The following BMP6 variants were observed in gnomAD, a reference collection of about 807,000 sequenced individuals.
The protein encoded by BMP6 is bone morphogenetic protein 6.
In BMP6, 17 loss-of-function variants were observed where a neutral mutation model predicts 54.1. That is an observed-to-expected ratio of 0.31 (90% CI 0.22 to 0.47). The LOEUF is 0.47. Among genes scored for constraint, BMP6 ranks in the 20% least tolerant of loss-of-function variants. The pLI, the probability that BMP6 is intolerant of heterozygous loss-of-function variation, is 1.00. For missense variants in BMP6, 720 were observed against 690.4 expected (o/e 1.04, Z -0.48); for synonymous variants, 328 against 291.2 (o/e 1.13, Z -1.28).
chr6:7,859,077 C>T (rs1759294275), intron 2 of BMP6, among the ~76,000 whole-genome samples: 1 of 152,104 alleles, frequency 6.6e-6, no homozygotes. Context: ...GCAATTGCTT[C>T]ATGTCATGAT....
intron 2 of BMP6, among the ~76,000 whole-genome samples, chr6:7,849,480 C>T (rs989656430): frequency 1.3e-5 from 2 of 152,166 alleles, no homozygotes; most frequent in African/African-American, 4.8e-5. Context: ...ATAGACTGCT[C>T]TGAATGACTT....
chr6:7,729,722 A>T (rs1015786452), intron 1 of BMP6, among the ~76,000 whole-genome samples: 1 of 152,156 alleles, frequency 6.6e-6, no homozygotes, highest in African/African-American at 2.4e-5. Flanking sequence ...CCAGTAAGAG[A>T]TGAAGAGCAA....
chr6:7,881,639 G>GACAGTTGTGCTTCTCT lies in BMP6; in HGVS notation c.*1298_*1313dup, dbSNP rs1561802167. ...CTGAAGTTGTGTGTACAAGACTCTTGACAGTTGTGCTTCTCTAGGAGGTTG... is the reference window on the plus strand; with the variant it reads ...CTGAAGTTGTGTGTACAAGACTCTTGACAGTTGTGCTTCTCTACAGTTGTGCTTCTCTAGGAGGTTG... On this transcript the variant is annotated 3_prime_UTR_variant, in exon 7 of 7. Coordinates refer to ENST00000283147, the MANE Select transcript of BMP6 (RefSeq NM_001718.6). 6.7e-6 allele frequency: 1 copy of GACAGTTGTGCTTCTCT among 150,130 alleles called. No homozygotes were observed. The highest frequency in any genetic ancestry group is 1.9e-4 in the East Asian group (1 of 5,144). The allele number at this position is 150,130 out of a possible 1,614,324, so 9.3% of individuals were successfully genotyped here. A position where few individuals can be genotyped will look rare whatever the true frequency, so the allele number is the denominator to read the frequency against.
chr6:7,791,410 T>A (rs544665590), intron 1 of BMP6, among the ~76,000 whole-genome samples: 1 of 152,266 alleles, frequency 6.6e-6, no homozygotes, highest in South Asian at 2.1e-4. Context: ...TCCCCTAGCT[T>A]CTGTGCCACC....
rs77426672 is a variant in BMP6, at chr6:7,775,238, G to A, written c.664+47619G>A. On this transcript the variant is annotated intron_variant, in intron 1 of 6. Coordinates refer to ENST00000283147, the MANE Select transcript of BMP6 (RefSeq NM_001718.6). ...AATTAAGATGAATGTTTGAGATAAGGCACAAGGTGTTAACAAAATTGTGGA... is the reference window on the plus strand; with the variant it reads ...AATTAAGATGAATGTTTGAGATAAGACACAAGGTGTTAACAAAATTGTGGA... 4.1e-3 allele frequency among the ~76,000 whole-genome samples: 629 copies of A among 152,306 alleles called. 11 individuals are homozygous for A. The highest frequency in any genetic ancestry group is 0.014 in the African/African-American group (592 of 41,570).
At chr6:7,877,588 A>C (rs553723553) in intron 4 of BMP6, among the ~76,000 whole-genome samples, 1 of 152,194 alleles carries the variant, frequency 6.6e-6, no homozygotes, top group East Asian at 1.9e-4. Flanking sequence ...GTGCCATTGC[A>C]CTTCAGTCTG....
chr6:7,859,473 G>C (rs1244985867), intron 2 of BMP6, among the ~76,000 whole-genome samples: 2 of 151,874 alleles, frequency 1.3e-5, no homozygotes, highest in Non-Finnish European at 2.9e-5. Flanking sequence ...GAGAGTGCCA[G>C]CCACATTCTG....
intron 1 of BMP6, among the ~76,000 whole-genome samples, chr6:7,742,424 C>A (rs1381508492): frequency 6.6e-6 from 1 of 152,220 alleles, no homozygotes; most frequent in Non-Finnish European, 1.5e-5. Context: ...TCAGCTTCCA[C>A]TTCAGGCTGG....
intron 2 of BMP6, among the ~76,000 whole-genome samples, chr6:7,848,580 G>T (rs557432306): frequency 6.6e-6 from 1 of 152,204 alleles, no homozygotes; most frequent in South Asian, 2.1e-4. Context: ...AGGCATATTT[G>T]AGAAATACCT....
Position 7,834,201 on chromosome 6 carries a change from T to A in BMP6, c.665-10939T>A, listed in dbSNP as rs542604420. ...GAACAAATGCTTTTTTTTTTTTTTT[T>A]TTTTAGGAAAAAAAAGTAACCCAAT... On this transcript the variant is annotated intron_variant, in intron 1 of 6. Coordinates refer to ENST00000283147, the MANE Select transcript of BMP6 (RefSeq NM_001718.6). 5.7e-3 allele frequency among the ~76,000 whole-genome samples: 858 copies of A among 151,468 alleles called. 42 individuals carry two copies. The highest frequency in any genetic ancestry group is 0.053 in the Admixed American group (813 of 15,202).
At chr6:7,742,258 A>G (rs1757277622) in intron 1 of BMP6, among the ~76,000 whole-genome samples, 1 of 152,216 alleles carries the variant, frequency 6.6e-6, no homozygotes, top group Non-Finnish European at 1.5e-5. Flanking sequence ...ATCTGATGTC[A>G]TTATGACTTT....
intron 1 of BMP6, among the ~76,000 whole-genome samples, chr6:7,841,164 T>C (rs1180787833): frequency 6.6e-6 from 1 of 152,222 alleles, no homozygotes; most frequent in Non-Finnish European, 1.5e-5. Flanking sequence ...GAAACTTTAT[T>C]ATTTAACTCA....
chr6:7,790,782 C>T lies in BMP6; in HGVS notation c.665-54358C>T, dbSNP rs192484913. Among the ~76,000 whole-genome samples the T allele has an allele frequency of 5.9e-5, 9 of 152,244 alleles. No homozygotes were observed. The East Asian group carries it at 1.7e-3, about 29-fold the overall frequency. ...CCAGTTCTCTCACTCCATAGGACAT[C>T]GCCACATGGCCCAATACTCCTTCTT... is the stretch of plus-strand genomic sequence containing the variant. On this transcript the variant is annotated intron_variant, in intron 1 of 6. Transcript: ENST00000283147.
chr6:7,849,647 C>T (rs1490380992), intron 2 of BMP6, among the ~76,000 whole-genome samples: 13 of 152,188 alleles, frequency 8.5e-5, no homozygotes, highest in Non-Finnish European at 7.3e-5. Flanking sequence ...TGGTTAAAGG[C>T]ATACTTTTAC....
At chr6:7,742,027 G>C (rs528569850) in intron 1 of BMP6, among the ~76,000 whole-genome samples, 1 of 152,200 alleles carries the variant, frequency 6.6e-6, no homozygotes, top group South Asian at 2.1e-4. Context: ...GGTGTATGCC[G>C]TCTCCTTCCA....
intron 1 of BMP6, among the ~76,000 whole-genome samples, chr6:7,817,668 A>T (rs190683416): frequency 6.6e-6 from 1 of 152,188 alleles, no homozygotes; most frequent in Admixed American, 6.5e-5. Context: ...GCACATGTAT[A>T]CATATGTAAC....
At chr6:7,868,629 T>C (rs557936193) in intron 4 of BMP6, among the ~76,000 whole-genome samples, 173 of 152,332 alleles carry the variant, frequency 1.1e-3, no homozygotes, top group Non-Finnish European at 2.4e-4. Context: ...AATTATTCCC[T>C]CTAAAAAACA....
At chr6:7,821,468 T>G (rs993137724) in intron 1 of BMP6, among the ~76,000 whole-genome samples, 1 of 152,150 alleles carries the variant, frequency 6.6e-6, no homozygotes, top group Non-Finnish European at 1.5e-5. Flanking sequence ...GAGGATCACT[T>G]GAGGCCGGGA....
At chr6:7,845,372 C>G in intron 2 of BMP6, 40 bp downstream of exon 2, 1 of 1,556,834 alleles carries the variant, frequency 6.4e-7, no homozygotes. Flanking sequence ...GGGGCTGGCC[C>G]CTGTTTCCCA....
Sources: allele counts gnomAD v4.1 joint callset (sites outside exome capture counted in the v4.1 genomes callset), GRCh38; gene constraint gnomAD v4.1.1; transcripts MANE v1.5; gene names NCBI Gene and HGNC (gene_info 2026-07-23, HGNC 2026-07-21).